Variants in CIAO2A observed in about 807,000 individuals in gnomAD.
CIAO2A encodes the protein MIP18 family protein FAM96A.
In CIAO2A, 17 loss-of-function variants were observed where a neutral mutation model predicts 22.4. The observed-to-expected ratio is 0.76, with a 90% CI of 0.52 to 1.14. The LOEUF (loss-of-function observed/expected upper bound fraction) is 1.14, where lower values mean the gene tolerates loss of function less well. CIAO2A is among the 50% of genes most tolerant of loss of function. The probability of loss-of-function intolerance (pLI) is 0.00; values close to 1 mark genes in which losing one functional copy is unlikely to be tolerated. For synonymous variants in CIAO2A, 74 were observed against 72.3 expected (o/e 1.02, Z -0.12); for missense variants, 192 against 191.4 (o/e 1.00, Z -0.02).
chr15:64,093,497 C>G, intron 1 of CIAO2A, 148 bp downstream of exon 1: 2 of 950,686 alleles, frequency 2.1e-6, no homozygotes, highest in Non-Finnish European at 3.1e-6. Context: ...TGCTACGCCC[C>G]GGACAAGATC....
intron 2 of CIAO2A, among the ~76,000 whole-genome samples, chr15:64,086,895 G>C (rs183170131): frequency 6.6e-6 from 1 of 151,206 alleles, no homozygotes; most frequent in Non-Finnish European, 1.5e-5. Flanking sequence ...TTACAGGTGT[G>C]AGCCGCCATG....
intron 2 of CIAO2A, among the ~76,000 whole-genome samples, chr15:64,082,577 A>C (rs2080765725): frequency 6.6e-6 from 1 of 152,146 alleles, no homozygotes; most frequent in Non-Finnish European, 1.5e-5. Flanking sequence ...AGAGAATTCT[A>C]AAGAAAATAT....
intron 2 of CIAO2A, among the ~76,000 whole-genome samples, chr15:64,084,052 G>T (rs1319377676): frequency 6.6e-6 from 1 of 152,154 alleles, no homozygotes; most frequent in Non-Finnish European, 1.5e-5. Context: ...GAAGTGTACA[G>T]ATCTGAAATA....
intron 2 of CIAO2A, among the ~76,000 whole-genome samples, chr15:64,082,911 T>C (rs1222804652): frequency 1.3e-5 from 2 of 152,122 alleles, no homozygotes; most frequent in Non-Finnish European, 1.5e-5. Context: ...AAACAGGCAT[T>C]ATAGTATCAG....
chr15:64,079,234 G>A (rs533525284), intron 3 of CIAO2A, among the ~76,000 whole-genome samples: 2 of 152,208 alleles, frequency 1.3e-5, no homozygotes, highest in African/African-American at 4.8e-5. Context: ...GTATTTCACT[G>A]GGCCTTAAAA....
chr15:64,073,137 A>G, intron 4 of CIAO2A, 109 bp from the exon 5 acceptor site: 1 of 697,814 alleles, frequency 1.4e-6, no homozygotes, highest in Non-Finnish European at 2.4e-6. Flanking sequence ...TTGAGAACTT[A>G]AACCTGTTTT....
chr15:64,081,247 A>C, intron 2 of CIAO2A, 96 bp from the exon 3 acceptor site: 1 of 1,166,704 alleles, frequency 8.6e-7, no homozygotes, highest in Non-Finnish European at 1.2e-6. Context: ...CCCATACAAC[A>C]CAGTTGCTGA....
chr15:64,084,014 G>C (rs868137842), intron 2 of CIAO2A, among the ~76,000 whole-genome samples: 1 of 151,914 alleles, frequency 6.6e-6, no homozygotes, highest in African/African-American at 2.4e-5. Context: ...AATGCATAAC[G>C]AAAGGGCTAA....
In CIAO2A at chr15:64,093,788, T is replaced by G; in HGVS notation, c.-20A>C. The G allele has an allele frequency of 4.4e-6, 7 of 1,608,358 alleles. No homozygotes were observed. Among genetic ancestry groups the G allele is most frequent in the Non-Finnish European group, 6.0e-6 (7 of 1,175,726 alleles). ...CTGCATCTTCACGCTCAGCCATCCC[T>G]GGCGACTGTCCCAATCGCGCCACCG... On this transcript the variant is annotated 5_prime_UTR_variant, in exon 1 of 5. Transcript: ENST00000300030.
chr15:64,074,404 C>A (rs2080700509), intron 4 of CIAO2A: 1 of 152,174 alleles, frequency 6.6e-6, no homozygotes, highest in Non-Finnish European at 1.5e-5. Flanking sequence ...TAAATACTTA[C>A]TAAATGAAAA....
chr15:64,092,790 A>G (rs946660564), intron 1 of CIAO2A, among the ~76,000 whole-genome samples: 2 of 152,186 alleles, frequency 1.3e-5, no homozygotes, highest in African/African-American at 4.8e-5. Flanking sequence ...TTTGTATTCT[A>G]TGGTTAGATC....
Position 64,083,211 on chromosome 15 carries a change from G to A in CIAO2A, c.290-2060C>T, listed in dbSNP as rs1441313682. Among the ~76,000 whole-genome samples, 4 of 151,192 alleles carry A rather than the reference G, an allele frequency of 2.6e-5. No homozygotes were observed. The East Asian group carries it at 7.7e-4, about 29-fold the overall frequency. On this transcript the variant is annotated intron_variant, in intron 2 of 4. Coordinates refer to ENST00000300030, the MANE Select transcript of CIAO2A (RefSeq NM_032231.7). The stretch of plus-strand genomic sequence containing the variant: ...TTACTATAAATAGTAAAAAATAATA[G>A]TATAAAATATTACTATTTTATACTA...
intron 3 of CIAO2A, among the ~76,000 whole-genome samples, chr15:64,077,708 T>C (rs1340233329): frequency 6.6e-6 from 1 of 152,002 alleles, no homozygotes; most frequent in Non-Finnish European, 1.5e-5. Flanking sequence ...GATCATGAAA[T>C]AAAGGCTAAG....
intron 3 of CIAO2A, among the ~76,000 whole-genome samples, chr15:64,076,017 C>CT (rs1308237563): frequency 1.3e-5 from 2 of 149,982 alleles, no homozygotes. Flanking sequence ...ACATCCTTCT[C>CT]TAAAAAAAAA....
rs986516634 is a variant in CIAO2A, at chr15:64,081,271, T to G, written c.290-120A>C. 4 of 836,350 alleles carry G rather than the reference T, an allele frequency of 4.8e-6. No homozygotes were observed. In the African/African-American group the frequency reaches 5.1e-5, roughly 11 times the overall value. 51.8% of individuals were successfully genotyped at this position (836,350 alleles called of 1,614,324 possible). The stretch of plus-strand genomic sequence containing the variant: ...CACAGTTGCTGAAAACAGCTTTGGC[T>G]CAATCCAGAGCAGAGCTCCTTTGAG... On this transcript the variant is annotated intron_variant, in intron 2 of 4. Transcript: ENST00000300030.
intron 1 of CIAO2A, among the ~76,000 whole-genome samples, chr15:64,091,413 A>G (rs1200801481): frequency 3.3e-5 from 5 of 150,772 alleles, no homozygotes; most frequent in African/African-American, 4.9e-5. Context: ...TGAACCCAGG[A>G]GGCTGAGGCT....
At chr15:64,085,949 C>A (rs1430718071) in intron 2 of CIAO2A, among the ~76,000 whole-genome samples, 10 of 151,670 alleles carry the variant, frequency 6.6e-5, no homozygotes, top group Admixed American at 6.6e-4. Context: ...ACCTCATGAT[C>A]TGCCCGCCTC....
Position 64,081,024 on chromosome 15 carries a change from G to T in CIAO2A, c.339+78C>A, listed in dbSNP as rs2080755485. 2.9e-6 allele frequency: 4 copies of T among 1,368,810 alleles called. No homozygotes were observed. In the Admixed American group the frequency reaches 5.4e-5, roughly 19 times the overall value. 84.8% of individuals were successfully genotyped at this position (1,368,810 alleles called of 1,614,324 possible). A position where few individuals can be genotyped will look rare whatever the true frequency, so the allele number is the denominator to read the frequency against. ...CTGAATTGGTACACTTTAAATACGTGAATTGTGTGGTATGTGAATTATATC... is the reference window on the plus strand; with the variant it reads ...CTGAATTGGTACACTTTAAATACGTTAATTGTGTGGTATGTGAATTATATC... On this transcript the variant is annotated intron_variant, in intron 3 of 4. Transcript: ENST00000300030.
chr15:64,078,873 G>A (rs567661249), intron 3 of CIAO2A, among the ~76,000 whole-genome samples: 2 of 151,626 alleles, frequency 1.3e-5, no homozygotes, highest in East Asian at 3.9e-4. Flanking sequence ...GTGAGACTCT[G>A]TCACTACAAA....
Sources: allele counts gnomAD v4.1 joint callset (sites outside exome capture counted in the v4.1 genomes callset), GRCh38; gene constraint gnomAD v4.1.1; transcripts MANE v1.5; gene names NCBI Gene and HGNC (gene_info 2026-07-23, HGNC 2026-07-21).